The following LMO7 variants were observed in gnomAD, a reference collection of about 807,000 sequenced individuals.
LMO7 encodes LIM domain only protein 7.
LMO7 carries 120 observed loss-of-function variants against 206.5 expected under a neutral mutation model. The ratio of observed to expected loss-of-function variants is 0.58; its 90% confidence interval spans 0.50 to 0.68. The LOEUF (loss-of-function observed/expected upper bound fraction) is 0.68. LMO7 is among the 30% of genes least tolerant of loss of function. The probability of loss-of-function intolerance (pLI) is 0.00; values close to 1 mark genes in which losing one functional copy is unlikely to be tolerated. For missense variants in LMO7, 1,959 were observed against 1,957.9 expected, an observed-to-expected ratio of 1.00 and a Z score of -0.01; for synonymous variants, 706 against 681.5, an observed-to-expected ratio of 1.04 and a Z score of -0.56.
At chr13:75,857,762 C>T (rs2061085105) in intron 30 of LMO7, 159 bp from the exon 31 acceptor site, 1 of 431,256 alleles carries the variant, frequency 2.3e-6, no homozygotes, top group East Asian at 3.4e-5. Flanking sequence ...AGAGACGAGA[C>T]ACTGAGACTT....
At chr13:75,846,379 C>T (rs2059998104) in intron 26 of LMO7, among the ~76,000 whole-genome samples, 2 of 152,158 alleles carry the variant, frequency 1.3e-5, no homozygotes, top group African/African-American at 4.8e-5. Context: ...GTTAATGGGT[C>T]CGTAACTATA....
At chr13:75,660,239 G>A (rs1214295633) in intron 1 of LMO7, among the ~76,000 whole-genome samples, 1 of 152,118 alleles carries the variant, frequency 6.6e-6, no homozygotes, top group Non-Finnish European at 1.5e-5. Flanking sequence ...TAGCAAGAGG[G>A]ATTAAAAAAG....
chr13:75,734,502 C>G (rs1031725400), intron 3 of LMO7, among the ~76,000 whole-genome samples: 1 of 152,094 alleles, frequency 6.6e-6, no homozygotes, highest in South Asian at 2.1e-4. Flanking sequence ...TTTGACCATT[C>G]ATGTGTTTAC....
rs147862751 is a variant in LMO7, at chr13:75,762,979, G to A, written c.317+1941G>A. Among the ~76,000 whole-genome samples the A allele has an allele frequency of 2.3e-3, 357 of 152,258 alleles. 1 individual carries two copies. Among genetic ancestry groups the A allele is most frequent in the Non-Finnish European group, 4.1e-3 (281 of 68,002 alleles). ...TGAGATAGCACTTTTAGTAAAGGAA[G>A]CAGATTTAAAGAAAAGCAAATAATT... is the stretch of plus-strand genomic sequence containing the variant. On this transcript the variant is annotated intron_variant, in intron 4 of 30. Transcript: ENST00000377534.
rs376038194 is a variant in LMO7 at position 75,681,716 on chromosome 13, ATG to A, written c.70-31464_70-31463del. ...TGTATGTATGTATGTGTATATATAT[ATG>A]TATATATATATATATATATATATAT... On this transcript the variant is annotated intron_variant, in intron 1 of 30. Coordinates refer to ENST00000377534, the MANE Select transcript of LMO7 (RefSeq NM_001306080.2). Among the ~76,000 whole-genome samples, 400 of 110,036 alleles carry A rather than the reference ATG, an allele frequency of 3.6e-3. 9 individuals are homozygous for A. Among genetic ancestry groups the A allele is most frequent in the African/African-American group, 6.0e-3 (186 of 30,868 alleles). The allele number at this position is 110,036 out of a possible 152,430, so 72.2% of individuals were successfully genotyped here.
In LMO7 at chr13:75,760,938, A is replaced by G; in HGVS notation, c.217A>G (p.Ile73Val). The G allele has an allele frequency of 6.2e-7, 1 of 1,613,484 alleles. No homozygotes were observed. Among genetic ancestry groups the G allele is most frequent in the Admixed American group, 1.7e-5 (1 of 59,860 alleles). ...LSTPIAGLDNINVFLKACEQI... is the reference protein window; with the variant it reads ...LSTPIAGLDNVNVFLKACEQI... The stretch of plus-strand genomic sequence containing the variant: ...TTTCCACTTCTTTTCACAGGATAAT[A>G]TAAACGTTTTCTTGAAAGCTTGTGA... The change falls in exon 4 of 31, where the codon ATA becomes GTA. Residue 73 changes from isoleucine to valine, a missense_variant. By Grantham distance (29) the Ile-to-Val change is conservative. Coordinates refer to ENST00000377534, the MANE Select transcript of LMO7 (RefSeq NM_001306080.2).
chr13:75,716,950 T>C (rs2043587270), intron 2 of LMO7, among the ~76,000 whole-genome samples: 2 of 151,464 alleles, frequency 1.3e-5, no homozygotes, highest in Non-Finnish European at 2.9e-5. Context: ...GATAGTCTGA[T>C]TGGGTGTGTC....
intron 26 of LMO7, among the ~76,000 whole-genome samples, chr13:75,846,809 C>A (rs1051542269): frequency 1.3e-5 from 2 of 152,054 alleles, no homozygotes; most frequent in African/African-American, 4.8e-5. Flanking sequence ...AGGCCAGGCA[C>A]GGTGGCTCAC....
At chr13:75,759,881 G>C (rs2139660059) in intron 3 of LMO7, among the ~76,000 whole-genome samples, 1 of 152,234 alleles carries the variant, frequency 6.6e-6, no homozygotes, top group South Asian at 2.1e-4. Context: ...TAGGGAGGGA[G>C]GTGAGGTTTC....
chr13:75,761,816 A>T (rs1037549558), intron 4 of LMO7, among the ~76,000 whole-genome samples: 6 of 152,180 alleles, frequency 3.9e-5, no homozygotes, highest in African/African-American at 1.4e-4. Flanking sequence ...TCTCTTTGTC[A>T]TCCTGCCTCT....
At chr13:75,825,232 G>A (rs901329963) in intron 15 of LMO7, among the ~76,000 whole-genome samples, 1 of 152,154 alleles carries the variant, frequency 6.6e-6, no homozygotes, top group Non-Finnish European at 1.5e-5. Context: ...ACAATAGCCT[G>A]TGTTATACTT....
chr13:75,719,344 AT>A (rs1275967690), intron 2 of LMO7, among the ~76,000 whole-genome samples: 1 of 152,158 alleles, frequency 6.6e-6, no homozygotes, highest in African/African-American at 2.4e-5. Flanking sequence ...TTGTTTATTC[AT>A]TCATCAAATG....
rs763510677 is a variant in LMO7, at chr13:75,853,241, C to A, written c.4514C>A (p.Ala1505Asp). 3 of 1,614,126 alleles carry A rather than the reference C, an allele frequency of 1.9e-6. No homozygotes were observed. The highest frequency in any genetic ancestry group is 2.5e-6 in the Non-Finnish European group (3 of 1,180,028). Residue 1505 changes from alanine to aspartate, a missense_variant, in exon 28 of 31, where the codon GCC becomes GAC. Ala to Asp is a moderately radical substitution (Grantham distance 126). Coordinates refer to ENST00000377534, the MANE Select transcript of LMO7 (RefSeq NM_001306080.2). ...CAGCTGGTGTCCACATCAAACCGTGCCTACATGCGGAACCCCTCCTCCAGC... is the reference window on the plus strand; with the variant it reads ...CAGCTGGTGTCCACATCAAACCGTGACTACATGCGGAACCCCTCCTCCAGC... ...PPQLVSTSNR[A>D]YMRNPSSSVP...
intron 1 of LMO7, among the ~76,000 whole-genome samples, chr13:75,639,667 C>T (rs551919508): frequency 3.3e-5 from 5 of 152,212 alleles, no homozygotes; most frequent in African/African-American, 7.2e-5. Context: ...GTGGGTCATC[C>T]GAAAGCCATG....
intron 29 of LMO7, 109 bp downstream of exon 29, chr13:75,855,477 T>C: frequency 1.6e-6 from 1 of 626,478 alleles, no homozygotes; most frequent in Non-Finnish European, 2.9e-6. Flanking sequence ...AGGTGCTGTA[T>C]TCGTCCATCT....
intron 4 of LMO7, among the ~76,000 whole-genome samples, chr13:75,773,631 C>T (rs2050021449): frequency 6.6e-6 from 1 of 152,038 alleles, no homozygotes; most frequent in South Asian, 2.1e-4. Context: ...GAAGAGTTAG[C>T]GTTTGAGCTG....
chr13:75,780,088 A>G (rs1024338877), intron 4 of LMO7, among the ~76,000 whole-genome samples: 1 of 152,142 alleles, frequency 6.6e-6, no homozygotes, highest in African/African-American at 2.4e-5. Context: ...TCACAAGGCA[A>G]ATGGGCAGGG....
chr13:75,818,239 A>C (rs1404727983), intron 12 of LMO7, among the ~76,000 whole-genome samples: 3 of 152,204 alleles, frequency 2.0e-5, no homozygotes, highest in Admixed American at 6.6e-5. Context: ...TCAGATAAAA[A>C]TTCATGCCAG....
At chr13:75,706,590 C>T (rs1444555552) in intron 1 of LMO7, among the ~76,000 whole-genome samples, 1 of 152,128 alleles carries the variant, frequency 6.6e-6, no homozygotes, top group Non-Finnish European at 1.5e-5. Flanking sequence ...CTGTCTCTCA[C>T]ACCTACACCC....
Sources: gnomAD v4.1 joint callset for allele counts (sites outside exome capture counted in the v4.1 genomes callset) on GRCh38, gnomAD v4.1.1 for gene constraint, MANE v1.5 for transcripts, NCBI Gene and HGNC (gene_info 2026-07-23, HGNC 2026-07-21) for gene names.